Variants in MEI4 observed in about 807,000 individuals in gnomAD.
The protein encoded by MEI4 is meiosis-specific protein MEI4.
MEI4 carries 27 observed loss-of-function variants against 31.4 expected under a neutral mutation model. That is an observed-to-expected ratio of 0.86 (90% CI 0.63 to 1.19). The LOEUF is 1.19. Among genes scored for constraint, MEI4 ranks in the 50% most tolerant of loss-of-function variants. The probability of loss-of-function intolerance (pLI) is 0.00; values close to 1 mark genes in which losing one functional copy is unlikely to be tolerated. For missense variants in MEI4, 329 were observed against 398.9 expected (o/e 0.82, Z 1.49); for synonymous variants, 122 against 145.4 (o/e 0.84, Z 1.16).
chr6:77,827,360 TAAAAAAA>T (rs57446339), intron 3 of MEI4, among the ~76,000 whole-genome samples: 1 of 67,776 alleles, frequency 1.5e-5, no homozygotes, highest in Non-Finnish European at 2.6e-5. Flanking sequence ...GACTCCATCT[TAAAAAAA>T]AAAAAAAAAA....
chr6:77,675,548 A>T (rs1350486), intron 1 of MEI4, among the ~76,000 whole-genome samples: 58,992 of 141,610 alleles, frequency 0.42, 12,621 homozygotes, highest in East Asian at 0.51. Context: ...TTTTTTTTTT[A>T]AAAAAAAGGT....
At chr6:77,763,618 C>T (rs1226024300) in intron 3 of MEI4, among the ~76,000 whole-genome samples, 1 of 152,150 alleles carries the variant, frequency 6.6e-6, no homozygotes, top group Admixed American at 6.5e-5. Flanking sequence ...CCTATACCAT[C>T]ACAAGTTTGA....
chr6:77,752,482 A>T (rs1767801799), intron 2 of MEI4, among the ~76,000 whole-genome samples: 2 of 152,338 alleles, frequency 1.3e-5, no homozygotes, highest in East Asian at 3.9e-4. Context: ...ACAGAGAGCC[A>T]AATCATGAGT....
At chr6:77,741,458 A>G (rs1561968349) in intron 2 of MEI4, among the ~76,000 whole-genome samples, 1 of 152,078 alleles carries the variant, frequency 6.6e-6, no homozygotes, top group Non-Finnish European at 1.5e-5. Context: ...TAATTGTGGT[A>G]ATCAGTTCAA....
At position 77,820,489 on chromosome 6, in the gene MEI4, C is replaced by T. The variant is rs1302079938; in HGVS notation, c.769-8442C>T. On this transcript the variant is annotated intron_variant, in intron 3 of 4. Coordinates refer to ENST00000684080, the MANE Select transcript of MEI4 (RefSeq NM_001322247.2). The surrounding 1 kb of genome is among the most constrained non-coding windows in gnomAD (Gnocchi z 4.5). ...CCGTGTTGCCCAGGCTGGTCTGGAA[C>T]CCCTGACCTCAGGCAATTCGCCTGC... Among the ~76,000 whole-genome samples the T allele has an allele frequency of 6.6e-6, 1 of 152,298 alleles. No homozygotes were observed. Among genetic ancestry groups the T allele is most frequent in the African/African-American group, 2.4e-5 (1 of 41,566 alleles).
chr6:77,879,406 T>C (rs1057168571), intron 4 of MEI4, among the ~76,000 whole-genome samples: 6 of 152,210 alleles, frequency 3.9e-5, no homozygotes, highest in Non-Finnish European at 7.3e-5. Context: ...CTTAAAATGC[T>C]AAACCACATG....
chr6:77,742,380 A>G (rs951499081), intron 2 of MEI4, among the ~76,000 whole-genome samples: 3 of 151,902 alleles, frequency 2.0e-5, no homozygotes, highest in Non-Finnish European at 2.9e-5. Flanking sequence ...AGTGATGGTG[A>G]GCATTTTTTC....
intron 2 of MEI4, among the ~76,000 whole-genome samples, chr6:77,698,133 A>T (rs1350576820): frequency 3.9e-5 from 6 of 152,044 alleles, no homozygotes; most frequent in Admixed American, 3.9e-4. Flanking sequence ...ATCTTCCTCC[A>T]TCCCTTTATT....
intron 4 of MEI4, among the ~76,000 whole-genome samples, chr6:77,917,670 C>G (rs1766594469): frequency 8.7e-6 from 1 of 114,688 alleles, no homozygotes; most frequent in Non-Finnish European, 1.7e-5. Context: ...GATATTAGCC[C>G]TTTGTCAGAT....
At chr6:77,839,233 T>A (rs1190054517) in intron 4 of MEI4, among the ~76,000 whole-genome samples, 1 of 152,156 alleles carries the variant, frequency 6.6e-6, no homozygotes, top group Non-Finnish European at 1.5e-5. Flanking sequence ...ATGGGTTTTG[T>A]AATGGTTATG....
At chr6:77,839,801 T>C (rs574831804) in intron 4 of MEI4, among the ~76,000 whole-genome samples, 1 of 152,208 alleles carries the variant, frequency 6.6e-6, no homozygotes, top group Non-Finnish European at 1.5e-5. Context: ...ATCAATATTC[T>C]ATAAAAACAA....
intron 4 of MEI4, among the ~76,000 whole-genome samples, chr6:77,887,627 T>C (rs1430329524): frequency 6.6e-6 from 1 of 152,182 alleles, no homozygotes; most frequent in Non-Finnish European, 1.5e-5. Flanking sequence ...TTTATTACAT[T>C]GTGGTCTGAA....
chr6:77,868,502 C>CATAT (rs58946198), intron 4 of MEI4, among the ~76,000 whole-genome samples: 1,678 of 90,016 alleles, frequency 0.019, 107 homozygotes, highest in Middle Eastern at 0.075. Flanking sequence ...AAAAATACTA[C>CATAT]ATATATATAT....
chr6:77,658,374 G>A (rs1171006961), intron 1 of MEI4, among the ~76,000 whole-genome samples: 2 of 152,194 alleles, frequency 1.3e-5, no homozygotes, highest in Non-Finnish European at 1.5e-5. Context: ...TACTCCTTTT[G>A]TGGATCTTCA....
intron 4 of MEI4, among the ~76,000 whole-genome samples, chr6:77,875,689 A>G (rs1373049502): frequency 6.6e-6 from 1 of 152,222 alleles, no homozygotes; most frequent in Non-Finnish European, 1.5e-5. Flanking sequence ...ATATCTTAAT[A>G]AAGTTTTATG....
chr6:77,914,986 G>T (rs1028786523), intron 4 of MEI4, among the ~76,000 whole-genome samples: 4 of 151,966 alleles, frequency 2.6e-5, no homozygotes, highest in Admixed American at 1.3e-4. Context: ...CATATAGTGG[G>T]GTTATGTTTT....
chr6:77,883,418 A>G (rs752898798), intron 4 of MEI4, among the ~76,000 whole-genome samples: 1 of 151,868 alleles, frequency 6.6e-6, no homozygotes, highest in Non-Finnish European at 1.5e-5. Flanking sequence ...GCATGTAAAC[A>G]TTAATGAACC....
At chr6:77,920,263 A>T (rs1766672135) in intron 4 of MEI4, among the ~76,000 whole-genome samples, 1 of 152,040 alleles carries the variant, frequency 6.6e-6, no homozygotes, top group Admixed American at 6.6e-5. Flanking sequence ...AAATTCTGGC[A>T]AATCGAATCC....
At chr6:77,752,491 G>A (rs536151168) in intron 2 of MEI4, among the ~76,000 whole-genome samples, 26 of 152,196 alleles carry the variant, frequency 1.7e-4, no homozygotes, top group African/African-American at 5.1e-4. Context: ...CAAATCATGA[G>A]TGAACTCCCA....
Sources: gnomAD v4.1 joint callset for allele counts (sites outside exome capture counted in the v4.1 genomes callset) on GRCh38, gnomAD v4.1.1 for gene constraint, Gnocchi (gnomAD v3.1) non-coding constraint, MANE v1.5 for transcripts, NCBI Gene and HGNC (gene_info 2026-07-23, HGNC 2026-07-21) for gene names.